DIRAS2: variants seen among roughly 807,000 people sequenced by gnomAD.
DIRAS2 encodes DIRAS family GTPase 2.
A neutral mutation model predicts 13.9 loss-of-function variants in DIRAS2; 5 were observed. The observed-to-expected ratio is 0.36, with a 90% CI of 0.19 to 0.76. The LOEUF (loss-of-function observed/expected upper bound fraction) is 0.76. Ranked by LOEUF, DIRAS2 falls within the 30% of genes least tolerant of loss-of-function variation. The pLI is 0.53. For missense variants in DIRAS2, 191 were observed against 263.0 expected (o/e 0.73, Z 1.89); for synonymous variants, 111 against 105.4 (o/e 1.05, Z -0.33).
In DIRAS2 at chr9:90,612,540, A is replaced by G. The variant is rs550468419; in HGVS notation, c.*688T>C. ...ACTTAAAAACTGAAGAACTTCCGAC[A>G]GAGCAGCACACTGTTAGTGCACTTA... On this transcript the variant is annotated 3_prime_UTR_variant, in exon 2 of 2. Coordinates refer to ENST00000375765, the MANE Select transcript of DIRAS2 (RefSeq NM_017594.5). The G allele has an allele frequency of 6.6e-6, 1 of 152,502 alleles. No homozygotes were observed. Among genetic ancestry groups the G allele is most frequent in the Admixed American group, 6.5e-5 (1 of 15,314 alleles). 9.4% of individuals were successfully genotyped at this position (152,502 alleles called of 1,614,324 possible).
At chr9:90,629,031 T>G (rs1340456639) in intron 1 of DIRAS2, among the ~76,000 whole-genome samples, 2 of 152,070 alleles carry the variant, frequency 1.3e-5, no homozygotes, top group Non-Finnish European at 2.9e-5. Flanking sequence ...ATTTTTTGTA[T>G]TTTTAGTAGA....
At chr9:90,619,057 T>C (rs1478408267) in intron 1 of DIRAS2, among the ~76,000 whole-genome samples, 1 of 152,150 alleles carries the variant, frequency 6.6e-6, no homozygotes, top group Non-Finnish European at 1.5e-5. Context: ...GAGAATTGCT[T>C]GAACCTGGGG....
intron 1 of DIRAS2, among the ~76,000 whole-genome samples, chr9:90,636,785 A>G (rs1825375528): frequency 6.6e-6 from 1 of 152,246 alleles, no homozygotes; most frequent in African/African-American, 2.4e-5. Flanking sequence ...ACATGGAAGT[A>G]TGGTATACAC....
At position 90,611,107 on chromosome 9, in the gene DIRAS2, A is replaced by G. The variant is rs1825108632; in HGVS notation, c.*2121T>C. On this transcript the variant is annotated 3_prime_UTR_variant, in exon 2 of 2. Transcript: ENST00000375765. ...TTCTTCTTCCATTTAACCTATACCCAAATTAAAACTTGATCATCTCTCTCT... is the reference window on the plus strand; with the variant it reads ...TTCTTCTTCCATTTAACCTATACCCGAATTAAAACTTGATCATCTCTCTCT... 1 of 152,196 alleles carries G rather than the reference A, an allele frequency of 6.6e-6. No homozygotes were observed. The highest frequency in any genetic ancestry group is 6.5e-5 in the Admixed American group (1 of 15,288). The allele number at this position is 152,196 out of a possible 1,614,324, so 9.4% of individuals were successfully genotyped here. A position where few individuals can be genotyped will look rare whatever the true frequency, so the allele number is the denominator to read the frequency against.
chr9:90,630,441 A>G (rs925892346), intron 1 of DIRAS2, among the ~76,000 whole-genome samples: 2 of 152,252 alleles, frequency 1.3e-5, no homozygotes, highest in African/African-American at 4.8e-5. Flanking sequence ...TCACTGCACT[A>G]TTACAGAAAA....
At chr9:90,637,998 G>A (rs1825385809) in intron 1 of DIRAS2, among the ~76,000 whole-genome samples, 1 of 152,138 alleles carries the variant, frequency 6.6e-6, no homozygotes, top group Non-Finnish European at 1.5e-5. Context: ...TTCCTTTGAT[G>A]TTATCTATTT....
In DIRAS2 at chr9:90,613,900, T is replaced by C; in HGVS notation, c.-36-37A>G. 5 of 1,504,438 alleles carry C rather than the reference T, an allele frequency of 3.3e-6. No individual in the cohort carries two copies. Among genetic ancestry groups the C allele is most frequent in the Non-Finnish European group, 4.4e-6 (5 of 1,125,198 alleles). 93.2% of individuals were successfully genotyped at this position (1,504,438 alleles called of 1,614,324 possible). On this transcript the variant is annotated intron_variant, in intron 1 of 1. Transcript: ENST00000375765. This position sits in a 1 kb window ranked among gnomAD's most constrained non-coding sequence, Gnocchi z 5.6. ...ACCAGATGTTTGAAAGAATTAATAA[T>C]TAAAATATAAAAACATTAATAAGGA... is the stretch of plus-strand genomic sequence containing the variant.
rs189626245 is a variant in DIRAS2, at chr9:90,627,786, G to A, written c.-36-13923C>T. On this transcript the variant is annotated intron_variant, in intron 1 of 1. Coordinates refer to ENST00000375765, the MANE Select transcript of DIRAS2 (RefSeq NM_017594.5). Reference sequence around the variant, plus strand: ...ATTAAAGATAATGTCCATAACGAACGTAATTGGCAGTGTTAGCTAGGCAGA... The same window carrying A: ...ATTAAAGATAATGTCCATAACGAACATAATTGGCAGTGTTAGCTAGGCAGA... 2.1e-3 allele frequency among the ~76,000 whole-genome samples: 327 copies of A among 152,190 alleles called. 1 individual carries two copies. Among genetic ancestry groups the A allele is most frequent in the Admixed American group, 4.2e-3 (64 of 15,278 alleles).
chr9:90,629,278 T>C (rs1473894823), intron 1 of DIRAS2, among the ~76,000 whole-genome samples: 4 of 152,236 alleles, frequency 2.6e-5, no homozygotes, highest in Admixed American at 2.0e-4. Context: ...CAAATCTCTA[T>C]ACTCTTTCCA....
chr9:90,612,141 G>A lies in DIRAS2; in HGVS notation c.*1087C>T, dbSNP rs934814918. The A allele has an allele frequency of 6.6e-6, 1 of 152,610 alleles. No homozygotes were observed. The highest frequency in any genetic ancestry group is 1.5e-5 in the Non-Finnish European group (1 of 68,036). The allele number at this position is 152,610 out of a possible 1,614,324, so 9.5% of individuals were successfully genotyped here. A position where few individuals can be genotyped will look rare whatever the true frequency, so the allele number is the denominator to read the frequency against. ...ACTATTATTTAAATGCATTTTCCAGGAACATATTTCCAATACAGATAGATC... is the reference window on the plus strand; with the variant it reads ...ACTATTATTTAAATGCATTTTCCAGAAACATATTTCCAATACAGATAGATC... On this transcript the variant is annotated 3_prime_UTR_variant, in exon 2 of 2. Coordinates refer to ENST00000375765, the MANE Select transcript of DIRAS2 (RefSeq NM_017594.5).
In DIRAS2 at chr9:90,624,166, G is replaced by A. The variant is rs1008762565; in HGVS notation, c.-36-10303C>T. 3.3e-4 allele frequency among the ~76,000 whole-genome samples: 50 copies of A among 152,150 alleles called. 1 individual carries two copies. Among genetic ancestry groups the A allele is most frequent in the Non-Finnish European group, 1.5e-4 (10 of 68,038 alleles). On this transcript the variant is annotated intron_variant, in intron 1 of 1. Coordinates refer to ENST00000375765, the MANE Select transcript of DIRAS2 (RefSeq NM_017594.5). ...TTTAAAAGTCTTAATAATACAAGGT[G>A]AATAATGGTCATTAAGAAACAACAA...
intron 1 of DIRAS2, among the ~76,000 whole-genome samples, chr9:90,626,386 G>T (rs1825269123): frequency 6.6e-6 from 1 of 151,348 alleles, no homozygotes; most frequent in East Asian, 1.9e-4. Context: ...GCAGGAAGAT[G>T]GTTTGGGCCA....
At chr9:90,614,018 G>A (rs937011349) in intron 1 of DIRAS2, among the ~76,000 whole-genome samples, 155 bp from the exon 2 acceptor site, 1 of 152,224 alleles carries the variant, frequency 6.6e-6, no homozygotes, top group Non-Finnish European at 1.5e-5. Flanking sequence ...TCAATCCGCC[G>A]TTTTCAAAAG....
chr9:90,614,078 T>C (rs543365248), intron 1 of DIRAS2, among the ~76,000 whole-genome samples: 2 of 152,264 alleles, frequency 1.3e-5, no homozygotes, highest in Admixed American at 6.5e-5. Context: ...TTTCTCTTTA[T>C]TGGACCATGA....
intron 1 of DIRAS2, among the ~76,000 whole-genome samples, chr9:90,637,606 T>A (rs1825382669): frequency 2.0e-5 from 3 of 152,258 alleles, no homozygotes; most frequent in African/African-American, 7.2e-5. Flanking sequence ...TGTCTGTTTC[T>A]CATTACTGAA....
intron 1 of DIRAS2, among the ~76,000 whole-genome samples, chr9:90,619,753 C>T (rs573352232): frequency 1.3e-5 from 2 of 152,230 alleles, no homozygotes; most frequent in Non-Finnish European, 2.9e-5. Flanking sequence ...CAATGATACT[C>T]ATAGCAATAT....
At chr9:90,633,059 G>A (rs186708224) in intron 1 of DIRAS2, among the ~76,000 whole-genome samples, 105 of 129,198 alleles carry the variant, frequency 8.1e-4, no homozygotes, top group Non-Finnish European at 1.3e-3. Flanking sequence ...CATACTGGAA[G>A]GAGAGTGCCA....
intron 1 of DIRAS2, among the ~76,000 whole-genome samples, chr9:90,639,060 C>T (rs1825395989): frequency 6.6e-6 from 1 of 152,072 alleles, no homozygotes; most frequent in Admixed American, 6.6e-5. Context: ...GAAAAATAAT[C>T]ACTTTGCAGA....
Position 90,613,429 on chromosome 9 carries a change from G to A in DIRAS2, c.399C>T (p.Ser133=), listed in dbSNP as rs920585653. 4 of 1,614,002 alleles carry A rather than the reference G, an allele frequency of 2.5e-6. No homozygotes were observed. In the African/African-American group the frequency reaches 5.3e-5, roughly 22 times the overall value. The change falls in exon 2 of 2, where the codon AGC becomes AGT. Residue 133 remains serine, a synonymous_variant. Transcript: ENST00000375765. This position sits in a 1 kb window ranked among gnomAD's most constrained non-coding sequence, Gnocchi z 5.6. The part of the protein sequence containing the change: ...CDESPSREVQ[S]SEAEALARTW... ...TGCGGGCCAAGGCCTCCGCCTCGCTGCTCTGCACCTCGCGGCTGGGGCTCT... is the reference window on the plus strand; with the variant it reads ...TGCGGGCCAAGGCCTCCGCCTCGCTACTCTGCACCTCGCGGCTGGGGCTCT...
Sources: gnomAD v4.1 joint callset for allele counts (sites outside exome capture counted in the v4.1 genomes callset) on GRCh38, gnomAD v4.1.1 for gene constraint, Gnocchi (gnomAD v3.1) non-coding constraint, MANE v1.5 for transcripts, NCBI Gene and HGNC (gene_info 2026-07-23, HGNC 2026-07-21) for gene names.